ST6GALNAC3: variants seen among roughly 807,000 people sequenced by gnomAD.
ST6GALNAC3 encodes the protein alpha-N-acetylgalactosaminide alpha-2,6-sialyltransferase 3.
In ST6GALNAC3, 25 loss-of-function variants were observed where a neutral mutation model predicts 32.7. The ratio of observed to expected loss-of-function variants is 0.76; its 90% CI spans 0.56 to 1.07. The LOEUF is 1.07. Ranked by LOEUF, ST6GALNAC3 falls within the 50% of genes least tolerant of loss-of-function variation. ST6GALNAC3 has a pLI of 0.00. For missense variants in ST6GALNAC3, 355 were observed against 382.4 expected (o/e 0.93, Z 0.60); for synonymous variants, 129 against 133.1 (o/e 0.97, Z 0.21).
chr1:76,333,719 T>A (rs1008299225), intron 2 of ST6GALNAC3, among the ~76,000 whole-genome samples: 8 of 152,304 alleles, frequency 5.3e-5, no homozygotes, highest in African/African-American at 1.9e-4. Context: ...ATGAGACTTT[T>A]AAAAATCTTT....
intron 1 of ST6GALNAC3, among the ~76,000 whole-genome samples, chr1:76,151,345 C>T (rs557515374): frequency 1.1e-4 from 16 of 152,300 alleles, no homozygotes; most frequent in East Asian, 1.9e-4. Context: ...ATGGAGAAAA[C>T]GGCCTACTTT....
intron 1 of ST6GALNAC3, among the ~76,000 whole-genome samples, chr1:76,101,179 A>G (rs548623314): frequency 1.3e-5 from 2 of 152,250 alleles, no homozygotes; most frequent in South Asian, 4.1e-4. Flanking sequence ...CTTCTACCGT[A>G]ACCCCTGGAA....
At chr1:76,615,561 G>A (rs1295103969) in intron 3 of ST6GALNAC3, among the ~76,000 whole-genome samples, 3 of 152,200 alleles carry the variant, frequency 2.0e-5, no homozygotes, top group Non-Finnish European at 4.4e-5. Flanking sequence ...CTGGGTGGAG[G>A]ATCTCCTCGG....
intron 1 of ST6GALNAC3, among the ~76,000 whole-genome samples, chr1:76,307,184 G>T (rs1661111114): frequency 6.6e-6 from 1 of 152,068 alleles, no homozygotes; most frequent in South Asian, 2.1e-4. Flanking sequence ...GAACATGGGA[G>T]CCTTGGGCCT....
intron 3 of ST6GALNAC3, among the ~76,000 whole-genome samples, chr1:76,453,745 A>G (rs752926866): frequency 4.1e-4 from 63 of 152,206 alleles, no homozygotes; most frequent in Middle Eastern, 3.4e-3. Flanking sequence ...AATAGAATGT[A>G]TATTCTGTAG....
At chr1:76,106,144 A>T (rs1243055718) in intron 1 of ST6GALNAC3, among the ~76,000 whole-genome samples, 2 of 152,274 alleles carry the variant, frequency 1.3e-5, no homozygotes, top group Non-Finnish European at 2.9e-5. Flanking sequence ...AGGGCCTTGA[A>T]CATAATGAGT....
chr1:76,616,085 T>G (rs1648273280), intron 3 of ST6GALNAC3, among the ~76,000 whole-genome samples: 2 of 152,166 alleles, frequency 1.3e-5, no homozygotes, highest in African/African-American at 4.8e-5. Flanking sequence ...ACAGAAGAAC[T>G]TCTTCCAGGT....
chr1:76,566,717 C>T (rs978659982), intron 3 of ST6GALNAC3, among the ~76,000 whole-genome samples: 9 of 152,158 alleles, frequency 5.9e-5, no homozygotes, highest in African/African-American at 1.7e-4. Context: ...CTCTCTTGCC[C>T]GGTTTAATTC....
chr1:76,539,664 A>G (rs1419198048), intron 3 of ST6GALNAC3, among the ~76,000 whole-genome samples: 8 of 47,354 alleles, frequency 1.7e-4, no homozygotes, highest in Admixed American at 8.8e-4. Context: ...TTAAATTTGC[A>G]AGAAAAAAAA....
At chr1:76,215,045 T>C (rs532252119) in intron 1 of ST6GALNAC3, among the ~76,000 whole-genome samples, 4 of 152,210 alleles carry the variant, frequency 2.6e-5, no homozygotes, top group African/African-American at 7.2e-5. Context: ...GCCTGGAAGG[T>C]TTCTAGTAGA....
At chr1:76,139,737 G>T (rs1166575540) in intron 1 of ST6GALNAC3, among the ~76,000 whole-genome samples, 2 of 152,174 alleles carry the variant, frequency 1.3e-5, no homozygotes, top group Non-Finnish European at 2.9e-5. Context: ...TCCAGGGCCT[G>T]GTTTCTAGTT....
At chr1:76,516,600 A>G (rs1448865425) in intron 3 of ST6GALNAC3, among the ~76,000 whole-genome samples, 1 of 152,148 alleles carries the variant, frequency 6.6e-6, no homozygotes. Flanking sequence ...TGCTTAGATA[A>G]CATCTGAGCT....
chr1:76,304,677 T>C (rs189779580), intron 1 of ST6GALNAC3, among the ~76,000 whole-genome samples: 5 of 152,048 alleles, frequency 3.3e-5, no homozygotes, highest in Admixed American at 3.3e-4. Context: ...ATGTGAGGTG[T>C]GAGGATAAAT....
At chr1:76,204,545 G>A (rs1654713199) in intron 1 of ST6GALNAC3, among the ~76,000 whole-genome samples, 1 of 152,138 alleles carries the variant, frequency 6.6e-6, no homozygotes, top group South Asian at 2.1e-4. Flanking sequence ...TTATTCCACT[G>A]TGGAGGTGGG....
chr1:76,577,433 C>A, intron 3 of ST6GALNAC3: 1 of 424,166 alleles, frequency 2.4e-6, no homozygotes, highest in Non-Finnish European at 3.2e-6. Context: ...CTCACTAATT[C>A]ATGCCATGCC....
At position 76,540,411 on chromosome 1, in the gene ST6GALNAC3, C is replaced by G. The variant is rs12070061; in HGVS notation, c.624-87041C>G. Among the ~76,000 whole-genome samples the G allele has an allele frequency of 8.5e-3, 1,295 of 152,140 alleles. 20 individuals are homozygous for G. Among genetic ancestry groups the G allele is most frequent in the African/African-American group, 0.029 (1,213 of 41,498 alleles). Reference sequence around the variant, plus strand: ...AGGACGGATCAATAGGGTCAGCAAACCATCATGACACACTATACCTATGTA... The same window carrying G: ...AGGACGGATCAATAGGGTCAGCAAAGCATCATGACACACTATACCTATGTA... On this transcript the variant is annotated intron_variant, in intron 3 of 4. Coordinates refer to ENST00000328299, the MANE Select transcript of ST6GALNAC3 (RefSeq NM_152996.4).
At chr1:76,184,589 C>CTAG (rs1295519697) in intron 1 of ST6GALNAC3, among the ~76,000 whole-genome samples, 1 of 150,854 alleles carries the variant, frequency 6.6e-6, no homozygotes, top group Non-Finnish European at 1.5e-5. Flanking sequence ...CCAGGGGATT[C>CTAG]TAGCTCTTCA....
At chr1:76,151,225 C>G (rs924733676) in intron 1 of ST6GALNAC3, among the ~76,000 whole-genome samples, 3 of 152,120 alleles carry the variant, frequency 2.0e-5, no homozygotes, top group Non-Finnish European at 4.4e-5. Flanking sequence ...GAGGATCTAT[C>G]AGAACTGGGA....
intron 1 of ST6GALNAC3, among the ~76,000 whole-genome samples, chr1:76,226,862 C>T (rs890846660): frequency 6.6e-6 from 1 of 152,156 alleles, no homozygotes; most frequent in African/African-American, 2.4e-5. Context: ...TTGGGGATTA[C>T]AATTCGACAT....
Sources: allele counts gnomAD v4.1 joint callset (sites outside exome capture counted in the v4.1 genomes callset), GRCh38; gene constraint gnomAD v4.1.1; transcripts MANE v1.5; gene names NCBI Gene and HGNC (gene_info 2026-07-23, HGNC 2026-07-21).